EYA1: variants seen among roughly 807,000 people sequenced by gnomAD.
EYA1 encodes the protein EYA transcriptional coactivator and phosphatase 1, also known as protein phosphatase EYA1.
Under a neutral mutation model 82.0 loss-of-function variants are expected in EYA1, and 16 were observed. The ratio of observed to expected loss-of-function variants is 0.20; its 90% CI spans 0.13 to 0.30. EYA1 has a LOEUF of 0.30. EYA1 is among the 10% of genes least tolerant of loss of function. The pLI is 1.00. For missense variants in EYA1, 633 were observed against 730.7 expected, an observed-to-expected ratio of 0.87 and a Z score of 1.54; for synonymous variants, 261 against 264.4, an observed-to-expected ratio of 0.99 and a Z score of 0.12.
At chr8:71,217,136 C>T (rs945909028) in intron 12 of EYA1, 113 bp from the exon 13 acceptor site, 118 of 781,428 alleles carry the variant, frequency 1.5e-4, no homozygotes, top group Non-Finnish European at 2.3e-4. Flanking sequence ...GAGGATTTTT[C>T]AACTATGTCA....
chr8:71,463,336 A>T lies in EYA1; in HGVS notation c.33+72408T>A, dbSNP rs906861356. 3.9e-5 allele frequency among the ~76,000 whole-genome samples: 6 copies of T among 152,300 alleles called. No individual in the cohort carries two copies. The East Asian group carries it at 5.8e-4, about 15-fold the overall frequency. On this transcript the variant is annotated intron_variant, in intron 2 of 18. Coordinates refer to the EYA1 transcript ENST00000643681. ...AATGTGTTCCCCTCCAGAATTACCA[A>T]TGTGTCTATAGACAATAGAATGGAC...
At chr8:71,257,441 T>C (rs967122153) in intron 11 of EYA1, among the ~76,000 whole-genome samples, 1 of 152,228 alleles carries the variant, frequency 6.6e-6, no homozygotes, top group Non-Finnish European at 1.5e-5. Flanking sequence ...GGATTAAAAA[T>C]ATTTATTCTG....
rs552131595 is a variant in EYA1, at chr8:71,267,996, G to T, written c.1050+1744C>A. Among the ~76,000 whole-genome samples the T allele has an allele frequency of 1.4e-4, 21 of 152,312 alleles. No individual in the cohort carries two copies. In the East Asian group the frequency reaches 3.7e-3, roughly 27 times the overall value. On this transcript the variant is annotated intron_variant, in intron 11 of 17. Transcript: ENST00000340726. The stretch of plus-strand genomic sequence containing the variant: ...TGGTATTTGTAATACATTATTTAGA[G>T]AATGGTTTAGACATGAATGAAAAAT...
At chr8:71,318,686 TTAAGA>T (rs1483677611) in intron 6 of EYA1, among the ~76,000 whole-genome samples, 1 of 152,224 alleles carries the variant, frequency 6.6e-6, no homozygotes, top group African/African-American at 2.4e-5. Flanking sequence ...TGCTTCGTAC[TTAAGA>T]TAAATGATAT....
chr8:71,432,738 G>A (rs2129162498), intron 2 of EYA1, among the ~76,000 whole-genome samples: 1 of 152,236 alleles, frequency 6.6e-6, no homozygotes, highest in East Asian at 1.9e-4. Flanking sequence ...CTGGGGAGGG[G>A]AGGACTTCAA....
chr8:71,368,163 G>T (rs80214295), intron 2 of EYA1, among the ~76,000 whole-genome samples: 4,357 of 152,192 alleles, frequency 0.029, 208 homozygotes, highest in African/African-American at 0.097. Flanking sequence ...GGATTTTTGA[G>T]TTAGTATGTT....
chr8:71,433,306 C>A (rs1805762300), intron 2 of EYA1, among the ~76,000 whole-genome samples: 1 of 152,156 alleles, frequency 6.6e-6, no homozygotes, highest in Non-Finnish European at 1.5e-5. Context: ...CATTCCAGGA[C>A]TTTCTAGCTT....
chr8:71,357,465 G>C (rs552849794), intron 1 of EYA1, among the ~76,000 whole-genome samples: 2 of 152,226 alleles, frequency 1.3e-5, no homozygotes, highest in Non-Finnish European at 2.9e-5. Flanking sequence ...CTGCTGGCTT[G>C]TAAGCTCAGG....
chr8:71,513,238 A>G (rs1812732697), intron 2 of EYA1, among the ~76,000 whole-genome samples: 1 of 152,176 alleles, frequency 6.6e-6, no homozygotes, highest in Non-Finnish European at 1.5e-5. Context: ...ATAGTACAGT[A>G]TTTCATATAC....
intron 3 of EYA1, among the ~76,000 whole-genome samples, chr8:71,340,710 T>A (rs1441858338): frequency 1.3e-5 from 2 of 152,196 alleles, no homozygotes; most frequent in Admixed American, 6.5e-5. Flanking sequence ...GAAAGTCTTA[T>A]GCATTTCAAT....
intron 2 of EYA1, among the ~76,000 whole-genome samples, chr8:71,399,787 GA>G (rs878952304): frequency 1.1e-4 from 16 of 152,158 alleles, no homozygotes; most frequent in South Asian, 2.1e-4. Flanking sequence ...CACAGGATCA[GA>G]AAAAAACTAC....
At chr8:71,263,553 G>A (rs991526286) in intron 11 of EYA1, among the ~76,000 whole-genome samples, 3 of 152,158 alleles carry the variant, frequency 2.0e-5, no homozygotes, top group Admixed American at 6.5e-5. Context: ...CCAGGCGCAT[G>A]TATGCACTGC....
At position 71,434,564 on chromosome 8, in the gene EYA1, T is replaced by C. The variant is rs368136125; in HGVS notation, c.34-78053A>G. ...GAAAAATTAGAGGTTACATAGAAGA[T>C]AGAAGTCTCCCAAGGAAACAAGGTC... is the stretch of plus-strand genomic sequence containing the variant. On this transcript the variant is annotated intron_variant, in intron 2 of 18. Coordinates refer to the EYA1 transcript ENST00000643681. Among the ~76,000 whole-genome samples the C allele has an allele frequency of 2.0e-5, 3 of 152,138 alleles. No individual in the cohort carries two copies. The South Asian group carries it at 6.2e-4, about 32-fold the overall frequency.
chr8:71,290,860 C>T (rs1055557967), intron 9 of EYA1, among the ~76,000 whole-genome samples: 1 of 151,934 alleles, frequency 6.6e-6, no homozygotes, highest in Admixed American at 6.6e-5. Context: ...ACCCAACAAC[C>T]CAAAACAAAC....
At chr8:71,519,584 G>C (rs1813234126) in intron 2 of EYA1, among the ~76,000 whole-genome samples, 1 of 151,248 alleles carries the variant, frequency 6.6e-6, no homozygotes, top group Non-Finnish European at 1.5e-5. Context: ...TTTATGCTCA[G>C]TCTGGTTGCC....
At chr8:71,531,721 A>T (rs1324496435) in intron 2 of EYA1, among the ~76,000 whole-genome samples, 2 of 152,158 alleles carry the variant, frequency 1.3e-5, no homozygotes, top group African/African-American at 4.8e-5. Context: ...GGCTGCTAAG[A>T]GCGTGGAACT....
At chr8:71,479,623 GAAAAAAA>G (rs34377404) in intron 2 of EYA1, among the ~76,000 whole-genome samples, 14 of 100,214 alleles carry the variant, frequency 1.4e-4, no homozygotes, top group African/African-American at 4.3e-4. Flanking sequence ...CTTTCTTTAT[GAAAAAAA>G]AAAAAAAAAA....
intron 3 of EYA1, among the ~76,000 whole-genome samples, chr8:71,347,588 C>T (rs890713464): frequency 1.3e-5 from 2 of 151,998 alleles, no homozygotes; most frequent in African/African-American, 4.8e-5. Flanking sequence ...TCCCAAAGTG[C>T]CTAAAGATTG....
intron 12 of EYA1, among the ~76,000 whole-genome samples, chr8:71,220,503 A>T (rs976992902): frequency 1.3e-5 from 2 of 152,184 alleles, no homozygotes; most frequent in African/African-American, 4.8e-5. Context: ...CTCACAGTAA[A>T]CTAATGGGTA....
Sources: allele counts gnomAD v4.1 joint callset (sites outside exome capture counted in the v4.1 genomes callset), GRCh38; gene constraint gnomAD v4.1.1; transcripts MANE v1.5; gene names NCBI Gene and HGNC (gene_info 2026-07-23, HGNC 2026-07-21).